USP14: variants seen among roughly 807,000 people sequenced by gnomAD.
USP14 encodes ubiquitin carboxyl-terminal hydrolase 14.
A neutral mutation model predicts 76.5 loss-of-function variants in USP14; 38 were observed. The observed-to-expected ratio is 0.50, with a 90% CI of 0.38 to 0.65. The LOEUF is 0.65. USP14 is among the 30% of genes least tolerant of loss of function. The probability of loss-of-function intolerance (pLI) is 0.00; values close to 1 mark genes in which losing one functional copy is unlikely to be tolerated. For synonymous variants in USP14, 192 were observed against 191.7 expected, an observed-to-expected ratio of 1.00 and a Z score of -0.01; for missense variants, 467 against 586.5, an observed-to-expected ratio of 0.80 and a Z score of 2.10.
At chr18:192,180 A>G (rs1466823866) in intron 5 of USP14, among the ~76,000 whole-genome samples, 2 of 152,232 alleles carry the variant, frequency 1.3e-5, no homozygotes, top group African/African-American at 4.8e-5. Context: ...TTTTGATCTA[A>G]TGCTTATTTC....
At chr18:183,907 T>G (rs1909856016) in intron 5 of USP14, among the ~76,000 whole-genome samples, 1 of 152,194 alleles carries the variant, frequency 6.6e-6, no homozygotes, top group Non-Finnish European at 1.5e-5. Flanking sequence ...GGTAGTTTGC[T>G]GGGGTAGCTT....
In USP14 at chr18:158,712, C is replaced by G; in HGVS notation, c.14C>G (p.Ser5Cys). ...CCGCGCCCCGCCATGCCGCTCTACTCCGGTGAGCCCTGTCCTGGCCTCGCG... is the reference window on the plus strand; with the variant it reads ...CCGCGCCCCGCCATGCCGCTCTACTGCGGTGAGCCCTGTCCTGGCCTCGCG... Reference protein sequence around the residue: MPLYSVTVKWGKEKF... With the variant: MPLYCVTVKWGKEKF... Residue 5 changes from serine to cysteine, a missense_variant and splice_region_variant, in exon 1 of 16, where the codon TCC becomes TGC. By Grantham distance (112) the Ser-to-Cys change is moderately radical. Coordinates refer to ENST00000261601, the MANE Select transcript of USP14 (RefSeq NM_005151.4). 6 of 1,534,042 alleles carry G rather than the reference C, an allele frequency of 3.9e-6. No homozygotes were observed. Among genetic ancestry groups the G allele is most frequent in the Non-Finnish European group, 5.2e-6 (6 of 1,150,112 alleles).
intron 13 of USP14, among the ~76,000 whole-genome samples, chr18:209,471 C>T (rs976131301): frequency 6.6e-6 from 1 of 152,166 alleles, no homozygotes; most frequent in African/African-American, 2.4e-5. Flanking sequence ...TTAAATCATA[C>T]CTCTTTAATG....
chr18:210,781 T>G (rs894804668), intron 15 of USP14, among the ~76,000 whole-genome samples: 19 of 152,152 alleles, frequency 1.2e-4, no homozygotes, highest in African/African-American at 4.6e-4. Context: ...TTTTTATGTC[T>G]TTCTGTTGTC....
At position 186,139 on chromosome 18, in the gene USP14, G is replaced by A. The variant is rs908774787; in HGVS notation, c.404+5800G>A. ...CCTTATGTCAGGATATGATGAAAAT[G>A]CATCATACATTTAATTCATACAGAT... is the stretch of plus-strand genomic sequence containing the variant. On this transcript the variant is annotated intron_variant, in intron 5 of 15. Coordinates refer to ENST00000261601, the MANE Select transcript of USP14 (RefSeq NM_005151.4). Among the ~76,000 whole-genome samples the A allele has an allele frequency of 3.3e-5, 5 of 152,144 alleles. No homozygotes were observed. In the East Asian group the frequency reaches 9.6e-4, roughly 29 times the overall value.
At chr18:200,519 A>ACTTG (rs1349954279) in intron 10 of USP14, among the ~76,000 whole-genome samples, 12 of 152,194 alleles carry the variant, frequency 7.9e-5, no homozygotes, top group African/African-American at 2.2e-4. Flanking sequence ...CAGAACTAGA[A>ACTTG]CTTGCTTCTT....
rs951026484 is a variant in USP14, at chr18:161,650, A to G, written c.17-1658A>G. Among the ~76,000 whole-genome samples, 4 of 152,194 alleles carry G rather than the reference A, an allele frequency of 2.6e-5. No homozygotes were observed. The South Asian group carries it at 6.2e-4, about 24-fold the overall frequency. The stretch of plus-strand genomic sequence containing the variant: ...GGGCTTGTCATTAAATGAATACTCA[A>G]CATATTAATTGAACTGATGATAGAG... On this transcript the variant is annotated intron_variant, in intron 1 of 15. Transcript: ENST00000261601.
rs752438772 is a variant in USP14 at position 197,679 on chromosome 18, G to C, written c.658G>C (p.Asp220His). Residue 220 changes from aspartate (D) to histidine (H), a missense_variant, in exon 8 of 16, where the codon GAT becomes CAT. By Grantham distance (81) the Asp-to-His change is moderately conservative (BLOSUM62 -1). Transcript: ENST00000261601. ...GCAACAGAAATTGGAAGCAATAGAG[G>C]ATGATTCTGTTAAAGAGGTAATTGA... ...VLQQKLEAIE[D>H]DSVKETDSSS... is the part of the protein sequence containing the mutation. The C allele has an allele frequency of 1.2e-6, 2 of 1,611,714 alleles. No individual in the cohort carries two copies. The highest frequency in any genetic ancestry group is 1.7e-6 in the Non-Finnish European group (2 of 1,178,694).
intron 5 of USP14, among the ~76,000 whole-genome samples, chr18:191,758 C>T (rs773133024): frequency 6.6e-5 from 10 of 152,136 alleles, no homozygotes; most frequent in Non-Finnish European, 1.0e-4. Flanking sequence ...ATTCTGATTG[C>T]TCCACAATCT....
Position 211,590 on chromosome 18 carries a change from C to A in USP14, c.*306C>A. On this transcript the variant is annotated 3_prime_UTR_variant, in exon 16 of 16. Coordinates refer to ENST00000261601, the MANE Select transcript of USP14 (RefSeq NM_005151.4). ...CCTTTCAACCATTTCCTTCTGTGGT[C>A]ATTTTTCTTGCTGCCTTTTTCACCC... The A allele has an allele frequency of 4.8e-6, 1 of 208,272 alleles. No individual in the cohort carries two copies. Among genetic ancestry groups the A allele is most frequent in the Non-Finnish European group, 9.5e-6 (1 of 105,092 alleles). 12.9% of individuals were successfully genotyped at this position (208,272 alleles called of 1,614,324 possible). A position where few individuals can be genotyped will look rare whatever the true frequency, so the allele number is the denominator to read the frequency against.
chr18:201,097 A>G (rs1309177547), intron 10 of USP14, among the ~76,000 whole-genome samples: 1 of 152,318 alleles, frequency 6.6e-6, no homozygotes. Flanking sequence ...CACCGTGCCC[A>G]GCCAGGATTA....
chr18:196,131 G>A (rs1910226104), intron 6 of USP14, among the ~76,000 whole-genome samples: 2 of 151,992 alleles, frequency 1.3e-5, no homozygotes, highest in South Asian at 2.1e-4. Context: ...GACCAGCCTG[G>A]CCAACATGGT....
At chr18:194,821 C>T (rs539563000) in intron 6 of USP14, among the ~76,000 whole-genome samples, 77 of 152,100 alleles carry the variant, frequency 5.1e-4, no homozygotes, top group Non-Finnish European at 9.1e-4. Context: ...ATCCCAGCTA[C>T]TCGGGAGGCT....
intron 6 of USP14, among the ~76,000 whole-genome samples, chr18:193,155 T>C (rs1459405266): frequency 6.6e-6 from 1 of 152,214 alleles, no homozygotes; most frequent in African/African-American, 2.4e-5. Context: ...GTTTGATTTG[T>C]ATAATACATA....
At chr18:166,011 A>AG (rs1909260662) in intron 2 of USP14, among the ~76,000 whole-genome samples, 2 of 102,844 alleles carry the variant, frequency 1.9e-5, no homozygotes, top group Admixed American at 2.3e-4. Context: ...TTTAAAAAAA[A>AG]AATTCTTGAT....
intron 5 of USP14, among the ~76,000 whole-genome samples, chr18:181,390 CATT>C (rs1335608831): frequency 6.6e-6 from 1 of 152,162 alleles, no homozygotes; most frequent in African/African-American, 2.4e-5. Context: ...TGTGGTATCT[CATT>C]GTGGTTGTCA....
At chr18:191,772 C>T (rs980984052) in intron 5 of USP14, among the ~76,000 whole-genome samples, 4 of 151,980 alleles carry the variant, frequency 2.6e-5, no homozygotes, top group African/African-American at 2.4e-5. Flanking sequence ...ACAATCTTGC[C>T]GATATTGGGT....
chr18:183,073 T>G (rs908169220), intron 5 of USP14, among the ~76,000 whole-genome samples: 3 of 152,234 alleles, frequency 2.0e-5, no homozygotes, highest in African/African-American at 7.2e-5. Context: ...TTAATTTTGC[T>G]TAAAAAATTG....
chr18:191,584 T>C (rs1362958232), intron 5 of USP14, among the ~76,000 whole-genome samples: 1 of 152,160 alleles, frequency 6.6e-6, no homozygotes, highest in Non-Finnish European at 1.5e-5. Context: ...TTAATCCTTA[T>C]CCTCTCCACC....
Sources: gnomAD v4.1 joint callset for allele counts (sites outside exome capture counted in the v4.1 genomes callset) on GRCh38, gnomAD v4.1.1 for gene constraint, MANE v1.5 for transcripts, NCBI Gene and HGNC (gene_info 2026-07-23, HGNC 2026-07-21) for gene names.